The following FGGY variants were observed in gnomAD, a reference collection of about 807,000 sequenced individuals.
The protein encoded by FGGY is FGGY carbohydrate kinase domain-containing protein.
In FGGY, 72 loss-of-function variants were observed where a neutral mutation model predicts 71.3. The ratio of observed to expected loss-of-function variants is 1.01; its 90% confidence interval spans 0.84 to 1.23. FGGY has a LOEUF of 1.23. Ranked by LOEUF, FGGY falls within the 50% of genes most tolerant of loss-of-function variation. The probability of loss-of-function intolerance (pLI) is 0.00; values close to 1 mark genes in which losing one functional copy is unlikely to be tolerated. For synonymous variants in FGGY, 251 were observed against 250.3 expected (o/e 1.00, Z -0.02); for missense variants, 668 against 682.3 (o/e 0.98, Z 0.23).
intron 4 of FGGY, among the ~76,000 whole-genome samples, chr1:59,372,213 A>C (rs1323943620): frequency 6.6e-6 from 1 of 152,248 alleles, no homozygotes; most frequent in Non-Finnish European, 1.5e-5. Context: ...GCAATTAAAA[A>C]TGATAAAGGG....
intron 7 of FGGY, 129 bp from the exon 8 acceptor site, chr1:59,553,995 T>TAC (rs1300704241): frequency 1.4e-6 from 1 of 709,016 alleles, no homozygotes; most frequent in African/African-American, 1.8e-5. Context: ...GAGACTGCCC[T>TAC]ACACACAGGA....
At chr1:59,592,897 G>T (rs1315699830) in intron 8 of FGGY, among the ~76,000 whole-genome samples, 1 of 151,860 alleles carries the variant, frequency 6.6e-6, no homozygotes, top group Non-Finnish European at 1.5e-5. Flanking sequence ...TAACTAACCG[G>T]CACATTGTGC....
In FGGY at chr1:59,321,589, G is replaced by A. The variant is rs1232063229; in HGVS notation, c.40G>A (p.Gly14Ser). 3.7e-6 allele frequency: 6 copies of A among 1,613,832 alleles called. No homozygotes were observed. Among genetic ancestry groups the A allele is most frequent in the Non-Finnish European group, 5.1e-6 (6 of 1,179,894 alleles). ...GEQKPERYYV[G>S]VDVGTGSVRA... ...ACAGAAACCAGAGAGGTACTATGTGGGTGTGGACGTTGGAACAGGCAGTGT... is the reference window on the plus strand; with the variant it reads ...ACAGAAACCAGAGAGGTACTATGTGAGTGTGGACGTTGGAACAGGCAGTGT... The change falls in exon 2 of 16, where the codon GGT (glycine) becomes AGT (serine). Residue 14 changes from glycine to serine, a missense_variant. Physicochemically the swap from Gly to Ser is moderately conservative, Grantham distance 56. Transcript: ENST00000303721.
At chr1:59,538,977 C>G (rs556911683) in intron 7 of FGGY, among the ~76,000 whole-genome samples, 1 of 151,672 alleles carries the variant, frequency 6.6e-6, no homozygotes, top group Non-Finnish European at 1.5e-5. Flanking sequence ...CACATGTACC[C>G]TAAAACTTAA....
intron 8 of FGGY, among the ~76,000 whole-genome samples, chr1:59,564,962 C>G (rs1020425583): frequency 1.3e-5 from 2 of 152,102 alleles, no homozygotes; most frequent in African/African-American, 4.8e-5. Context: ...TAAGTTCTTC[C>G]TCTAGAAGTA....
chr1:59,674,147 A>AG lies in FGGY; in HGVS notation c.1512+19dup, dbSNP rs1165435323. The AG allele has an allele frequency of 7.5e-6, 12 of 1,609,674 alleles. No homozygotes were observed. The highest frequency in any genetic ancestry group is 1.0e-5 in the Non-Finnish European group (12 of 1,176,856). On this transcript the variant is annotated intron_variant, in intron 14 of 15. Coordinates refer to ENST00000303721, the MANE Select transcript of FGGY (RefSeq NM_018291.5). ...GCTTCTGTACAGGTATGTGAAGACC[A>AG]GGGGGTGGGCTGTGGCTCCTCCCCT...
chr1:59,760,736 C>T (rs114071659), intron 15 of FGGY, among the ~76,000 whole-genome samples: 2 of 152,112 alleles, frequency 1.3e-5, no homozygotes, highest in South Asian at 2.1e-4. Context: ...AAGAATAAGG[C>T]CAGTGCACAA....
Position 59,398,238 on chromosome 1 carries a change from TA to T in FGGY, c.554+19410del, listed in dbSNP as rs202143997. ...ATTATTGTTGATCATGATTTTACTG[TA>T]AAAAAAAATTTTTTTTTTTGAGACA... is the stretch of plus-strand genomic sequence containing the variant. On this transcript the variant is annotated intron_variant, in intron 5 of 15. Transcript: ENST00000303721. 3.5e-3 allele frequency among the ~76,000 whole-genome samples: 534 copies of T among 151,734 alleles called. 1 individual carries two copies. The highest frequency in any genetic ancestry group is 0.011 in the African/African-American group (475 of 41,384).
intron 13 of FGGY, among the ~76,000 whole-genome samples, chr1:59,672,561 G>A (rs2097390762): frequency 6.6e-6 from 1 of 152,220 alleles, no homozygotes; most frequent in East Asian, 1.9e-4. Context: ...CACCCCACCT[G>A]ACACCATGTT....
chr1:59,302,859 A>T lies in FGGY; in HGVS notation c.-15+5709A>T, dbSNP rs867538148. On this transcript the variant is annotated intron_variant, in intron 1 of 15. Transcript: ENST00000303721. ...ACAATTCCAAAAAAAACCCCAAAAA[A>T]CCCTGTTTAGTAGGATTCACTAGTG... Among the ~76,000 whole-genome samples the T allele has an allele frequency of 2.2e-4, 34 of 152,168 alleles. No homozygotes were observed. The South Asian group carries it at 6.9e-3, about 31-fold the overall frequency.
chr1:59,623,949 A>G (rs547641547), intron 9 of FGGY, among the ~76,000 whole-genome samples: 189 of 152,256 alleles, frequency 1.2e-3, no homozygotes, highest in African/African-American at 4.4e-3. Context: ...CACTTCCCAT[A>G]AAAATTAGCA....
chr1:59,611,088 G>A (rs1007801540), intron 9 of FGGY, among the ~76,000 whole-genome samples: 14 of 152,212 alleles, frequency 9.2e-5, no homozygotes, highest in African/African-American at 3.1e-4. Flanking sequence ...CTCTGAGGGC[G>A]GGGCATAGCT....
Position 59,330,833 on chromosome 1 carries a change from C to T in FGGY, c.201+9083C>T, listed in dbSNP as rs550386027. On this transcript the variant is annotated intron_variant, in intron 2 of 15. Coordinates refer to ENST00000303721, the MANE Select transcript of FGGY (RefSeq NM_018291.5). ...GGTAGGTGAGACAGCTGGCTCAGACCAATGGGGAGCTCCTCTAGAATCATC... is the reference window on the plus strand; with the variant it reads ...GGTAGGTGAGACAGCTGGCTCAGACTAATGGGGAGCTCCTCTAGAATCATC... Among the ~76,000 whole-genome samples the T allele has an allele frequency of 3.3e-5, 5 of 152,180 alleles. No individual in the cohort carries two copies. In the South Asian group the frequency reaches 8.3e-4, roughly 25 times the overall value.
At chr1:59,363,691 T>C (rs1244628061) in intron 4 of FGGY, among the ~76,000 whole-genome samples, 2 of 152,090 alleles carry the variant, frequency 1.3e-5, no homozygotes, top group African/African-American at 4.8e-5. Context: ...TCAGGGACTG[T>C]GGAGATGCTG....
chr1:59,564,247 A>G (rs2095840861), intron 8 of FGGY, among the ~76,000 whole-genome samples: 1 of 152,230 alleles, frequency 6.6e-6, no homozygotes, highest in Non-Finnish European at 1.5e-5. Context: ...ATCAGAGTGA[A>G]CGGGCAACCT....
rs114691920 is a variant in FGGY, at chr1:59,700,061, T to A, written c.1512+25928T>A. ...GCTTTTAAATTCTTGATCAAAGCAA[T>A]CATAAATGTGTCTGTTACAAACACA... On this transcript the variant is annotated intron_variant, in intron 14 of 15. Coordinates refer to ENST00000303721, the MANE Select transcript of FGGY (RefSeq NM_018291.5). Among the ~76,000 whole-genome samples the A allele has an allele frequency of 4.6e-3, 693 of 152,300 alleles. 2 individuals are homozygous for A. Among genetic ancestry groups the A allele is most frequent in the Non-Finnish European group, 6.9e-3 (468 of 68,022 alleles).
intron 14 of FGGY, among the ~76,000 whole-genome samples, chr1:59,733,469 G>GTTT (rs71677996): frequency 1.2e-5 from 1 of 83,746 alleles, no homozygotes; most frequent in African/African-American, 3.6e-5. Context: ...TTGTTTTTTT[G>GTTT]TTTTGTTTTG....
At chr1:59,339,275 A>G (rs2050189115) in intron 2 of FGGY, among the ~76,000 whole-genome samples, 1 of 152,126 alleles carries the variant, frequency 6.6e-6, no homozygotes, top group Non-Finnish European at 1.5e-5. Context: ...CATTTCAGGT[A>G]AGTAATAACA....
At chr1:59,431,787 G>C (rs559544595) in intron 5 of FGGY, among the ~76,000 whole-genome samples, 1 of 152,294 alleles carries the variant, frequency 6.6e-6, no homozygotes, top group South Asian at 2.1e-4. Flanking sequence ...GCTCCTAAAA[G>C]CCTTGTAATT....
Sources: gnomAD v4.1 joint callset for allele counts (sites outside exome capture counted in the v4.1 genomes callset) on GRCh38, gnomAD v4.1.1 for gene constraint, MANE v1.5 for transcripts, NCBI Gene and HGNC (gene_info 2026-07-23, HGNC 2026-07-21) for gene names.